The following FAT3 variants were observed in gnomAD, a reference collection of about 807,000 sequenced individuals.
The protein encoded by FAT3 is FAT atypical cadherin 3, also known as protocadherin Fat 3.
Under a neutral mutation model 310.2 loss-of-function variants are expected in FAT3, and 95 were observed. That is an observed-to-expected ratio of 0.31 (90% CI 0.26 to 0.36). The LOEUF (loss-of-function observed/expected upper bound fraction) is 0.36. Ranked by LOEUF, FAT3 falls within the 10% of genes least tolerant of loss-of-function variation. The pLI is 1.00. For synonymous variants in FAT3, 2,314 were observed against 2,192.9 expected (o/e 1.06, Z -1.54); for missense variants, 5,408 against 5,715.6 (o/e 0.95, Z 1.74).
At chr11:92,623,542 A>G (rs1941186286) in intron 3 of FAT3, among the ~76,000 whole-genome samples, 1 of 152,238 alleles carries the variant, frequency 6.6e-6, no homozygotes, top group Non-Finnish European at 1.5e-5. Flanking sequence ...ATATGAAAGC[A>G]AGATAGTTCA....
chr11:92,442,107 A>ATTTTTT (rs1565320189), intron 2 of FAT3, among the ~76,000 whole-genome samples: 36 of 49,840 alleles, frequency 7.2e-4, no homozygotes, highest in African/African-American at 4.0e-3. Flanking sequence ...ATATATATAT[A>ATTTTTT]TATATTTTTT....
intron 4 of FAT3, among the ~76,000 whole-genome samples, chr11:92,721,097 C>T (rs1565539778): frequency 6.6e-6 from 1 of 152,210 alleles, no homozygotes; most frequent in Non-Finnish European, 1.5e-5. Context: ...CTCCCCCAAT[C>T]CCTACAACAG....
intron 19 of FAT3, among the ~76,000 whole-genome samples, chr11:92,851,219 GACA>G (rs975339254): frequency 6.6e-5 from 10 of 152,156 alleles, no homozygotes; most frequent in African/African-American, 1.9e-4. Flanking sequence ...ATCAAAAAAG[GACA>G]ACAAGGGAAA....
In FAT3 at chr11:92,895,886, C is replaced by T. The variant is rs984743694; in HGVS notation, c.*4773C>T. On this transcript the variant is annotated 3_prime_UTR_variant, in exon 28 of 28. Coordinates refer to ENST00000525166, the MANE Select transcript of FAT3 (RefSeq NM_001367949.2). ...GGGGTCGAATATAATTGTAAGTCAT[C>T]CACGCTGTTGGTCTGCAAACTTTTG... 6.6e-6 allele frequency: 1 copy of T among 151,562 alleles called. No homozygotes were observed. The highest frequency in any genetic ancestry group is 2.4e-5 in the African/African-American group (1 of 41,172). The allele number at this position is 151,562 out of a possible 1,614,324, so 9.4% of individuals were successfully genotyped here.
chr11:92,546,032 A>C (rs547267726), intron 3 of FAT3, among the ~76,000 whole-genome samples: 3 of 152,332 alleles, frequency 2.0e-5, no homozygotes, highest in Non-Finnish European at 2.9e-5. Context: ...AGATTTTTCC[A>C]TACGTTGTTT....
At chr11:92,476,492 C>T (rs759133462) in intron 2 of FAT3, among the ~76,000 whole-genome samples, 1 of 152,134 alleles carries the variant, frequency 6.6e-6, no homozygotes, top group Non-Finnish European at 1.5e-5. Context: ...CACACCACCA[C>T]CTTGTACACA....
chr11:92,577,342 C>G (rs151111687), intron 3 of FAT3, among the ~76,000 whole-genome samples: 53 of 152,058 alleles, frequency 3.5e-4, no homozygotes, highest in African/African-American at 1.3e-3. Flanking sequence ...CTCCTGACCT[C>G]AGGTAATCCA....
At chr11:92,739,340 A>G (rs953720813) in intron 4 of FAT3, among the ~76,000 whole-genome samples, 1 of 140,888 alleles carries the variant, frequency 7.1e-6, no homozygotes, top group Middle Eastern at 3.5e-3. Context: ...GTGAGCCTGC[A>G]TGTTATGGTA....
chr11:92,803,972 T>C (rs1044095808), intron 10 of FAT3, among the ~76,000 whole-genome samples: 1 of 152,222 alleles, frequency 6.6e-6, no homozygotes, highest in African/African-American at 2.4e-5. Flanking sequence ...AGTCTGGCAC[T>C]CAGAATCCCA....
chr11:92,463,238 CA>C, intron 2 of FAT3, among the ~76,000 whole-genome samples: 1 of 152,300 alleles, frequency 6.6e-6, no homozygotes, highest in East Asian at 1.9e-4. Flanking sequence ...TAATTGCTGG[CA>C]TGCTCTCATT....
intron 24 of FAT3, among the ~76,000 whole-genome samples, chr11:92,885,458 A>C (rs1334930232): frequency 6.6e-6 from 1 of 152,196 alleles, no homozygotes; most frequent in Non-Finnish European, 1.5e-5. Context: ...TTAGAGGAAG[A>C]GGATTTCTTG....
intron 2 of FAT3, among the ~76,000 whole-genome samples, chr11:92,445,403 A>G (rs78716654): frequency 1.6e-4 from 25 of 152,176 alleles, no homozygotes; most frequent in African/African-American, 5.8e-4. Flanking sequence ...GTTTGGGTTG[A>G]GAATCACTGG....
At chr11:92,680,683 T>C (rs1191905672) in intron 3 of FAT3, among the ~76,000 whole-genome samples, 1 of 152,244 alleles carries the variant, frequency 6.6e-6, no homozygotes, top group Non-Finnish European at 1.5e-5. Context: ...AAGGACCACA[T>C]TGAGTACTTG....
chr11:92,610,572 G>T (rs505180), intron 3 of FAT3, among the ~76,000 whole-genome samples: 85,307 of 151,918 alleles, frequency 0.56, 25,369 homozygotes, highest in African/African-American at 0.76. Flanking sequence ...AGGCTTCAGA[G>T]ATCCCTCCTT....
rs767892749 is a variant in FAT3, at chr11:92,882,846, C to T, written c.12390C>T (p.Gly4130=). 2 of 1,611,874 alleles carry T rather than the reference C, an allele frequency of 1.2e-6. No individual in the cohort carries two copies. The highest frequency in any genetic ancestry group is 4.5e-5 in the East Asian group (2 of 44,818). Residue 4130 remains glycine (G), a synonymous_variant, in exon 24 of 28, where the codon GGC becomes GGT. Transcript: ENST00000525166. ...FLCNCTPGYV[G]QYCGLRPVVV... is the part of the protein sequence containing the mutation. ...GCAACTGCACGCCGGGCTACGTGGG[C>T]CAGTACTGCGGGCTGCGCCCCGTGG...
chr11:92,803,029 C>CTT (rs11399871), intron 10 of FAT3, among the ~76,000 whole-genome samples: 1 of 151,730 alleles, frequency 6.6e-6, no homozygotes, highest in Admixed American at 6.6e-5. Flanking sequence ...TCTGAGACCT[C>CTT]TTTTTTGATT....
chr11:92,827,120 C>T (rs151286264), intron 13 of FAT3, among the ~76,000 whole-genome samples: 6 of 152,282 alleles, frequency 3.9e-5, no homozygotes, highest in African/African-American at 1.4e-4. Context: ...ATGATCCTCT[C>T]ACTGGGGGTT....
At chr11:92,416,267 C>G (rs1026819600) in intron 2 of FAT3, among the ~76,000 whole-genome samples, 3 of 150,674 alleles carry the variant, frequency 2.0e-5, no homozygotes, top group East Asian at 2.0e-4. Flanking sequence ...ACCTGTAACC[C>G]CAGCTACTCG....
intron 3 of FAT3, among the ~76,000 whole-genome samples, chr11:92,692,971 C>G (rs1451879338): frequency 6.6e-6 from 1 of 152,190 alleles, no homozygotes; most frequent in African/African-American, 2.4e-5. Flanking sequence ...AGAAGTCATC[C>G]TTACAAGTAT....
Sources: allele counts gnomAD v4.1 joint callset (sites outside exome capture counted in the v4.1 genomes callset), GRCh38; gene constraint gnomAD v4.1.1; transcripts MANE v1.5; gene names NCBI Gene and HGNC (gene_info 2026-07-23, HGNC 2026-07-21).